MAEA: variants seen among roughly 807,000 people sequenced by gnomAD.
MAEA encodes E3 ubiquitin-protein transferase MAEA.
MAEA carries 22 observed loss-of-function variants against 46.2 expected under a neutral mutation model. The ratio of observed to expected loss-of-function variants is 0.48; its 90% CI spans 0.34 to 0.68. The LOEUF (loss-of-function observed/expected upper bound fraction) is 0.68, where lower values mean the gene tolerates loss of function less well. Among genes scored for constraint, MAEA ranks in the 30% least tolerant of loss-of-function variants. The pLI is 0.01. For synonymous variants in MAEA, 246 were observed against 222.6 expected (o/e 1.11, Z -0.94); for missense variants, 393 against 558.1 (o/e 0.70, Z 2.98).
chr4:1,313,073 G>C (rs1322907717), intron 2 of MAEA, among the ~76,000 whole-genome samples: 1 of 152,224 alleles, frequency 6.6e-6, no homozygotes, highest in Non-Finnish European at 1.5e-5. Flanking sequence ...CTACAGCTCA[G>C]CGTGGGGTGT....
intron 4 of MAEA, among the ~76,000 whole-genome samples, chr4:1,327,159 G>A (rs1039170145): frequency 6.6e-6 from 1 of 152,248 alleles, no homozygotes; most frequent in African/African-American, 2.4e-5. Context: ...ACAGCCCCGG[G>A]TTCAAGCCAG....
intron 1 of MAEA, chr4:1,309,886 C>T (rs766230008): frequency 7.3e-5 from 95 of 1,307,100 alleles, no homozygotes; most frequent in Non-Finnish European, 8.6e-5. Flanking sequence ...GCGGACGGCC[C>T]GGCAGGGGTT....
At chr4:1,298,031 C>A (rs903361454) in intron 1 of MAEA, 4 of 456,216 alleles carry the variant, frequency 8.8e-6, no homozygotes, top group African/African-American at 8.0e-5. Flanking sequence ...TGCTGAGGAA[C>A]CCGGTTGCTG....
chr4:1,313,203 C>T (rs948834382), intron 2 of MAEA, among the ~76,000 whole-genome samples: 1 of 152,210 alleles, frequency 6.6e-6, no homozygotes. Flanking sequence ...CTTCCAGCTC[C>T]GGGCAGAGTC....
chr4:1,318,965 C>CACAGGAACAGG (rs1737664007), intron 3 of MAEA, among the ~76,000 whole-genome samples: 1 of 114,658 alleles, frequency 8.7e-6, no homozygotes, highest in Admixed American at 8.3e-5. Context: ...GGGAAGGCCA[C>CACAGGAACAGG]ACAGGAACAG....
chr4:1,296,501 C>T (rs1004934559), intron 1 of MAEA, among the ~76,000 whole-genome samples: 5 of 147,226 alleles, frequency 3.4e-5, no homozygotes, highest in Non-Finnish European at 7.4e-5. Context: ...TGCGCTGTGC[C>T]CCCCTCACCT....
At chr4:1,310,034 G>C (rs1736292762) in intron 1 of MAEA, 1 of 1,165,198 alleles carries the variant, frequency 8.6e-7, no homozygotes, top group South Asian at 3.9e-5. Flanking sequence ...GCGCGAGCGA[G>C]GGTGGTTGTG....
chr4:1,322,449 G>A lies in MAEA; in HGVS notation c.525G>A (p.Thr175=), dbSNP rs145364690. 7.4e-6 allele frequency: 12 copies of A among 1,613,912 alleles called. No individual in the cohort carries two copies. Among genetic ancestry groups the A allele is most frequent in the Middle Eastern group, 1.6e-4 (1 of 6,084 alleles). ...AGGAGTCCCTGGAGAGGCGTGAGAC[G>A]GCCACCTGCCTGGCCTGGTGCCATG... ...EVEESLERRE[T]ATCLAWCHDN... is the part of the protein sequence containing the mutation. Residue 175 remains threonine (T), a synonymous_variant, in exon 4 of 9, where the codon ACG becomes ACA. Coordinates refer to ENST00000303400, the MANE Select transcript of MAEA (RefSeq NM_001017405.3).
In MAEA at chr4:1,294,545, C is replaced by G. The variant is rs575444594; in HGVS notation, c.69+4563C>G. On this transcript the variant is annotated intron_variant, in intron 1 of 8. Transcript: ENST00000303400. ...ACCTAAGCAAGGCACCGCCGCCGGG[C>G]TGCAGAGCAGGGCTGCAGGTGCACT... 2.2e-4 allele frequency among the ~76,000 whole-genome samples: 32 copies of G among 148,612 alleles called. No individual in the cohort carries two copies. The East Asian group carries it at 7.5e-3, about 35-fold the overall frequency.
chr4:1,332,636 C>T (rs529780909), intron 5 of MAEA, 121 bp from the exon 6 acceptor site: 355 of 677,342 alleles, frequency 5.2e-4, no homozygotes, highest in Non-Finnish European at 8.2e-4. Context: ...CCTGAGAGTT[C>T]GAGGCTACAG....
chr4:1,295,347 T>G (rs1734530883), intron 1 of MAEA, among the ~76,000 whole-genome samples: 1 of 152,094 alleles, frequency 6.6e-6, no homozygotes, highest in African/African-American at 2.4e-5. Context: ...CAAAAAGAAT[T>G]ATTCACTGTG....
intron 2 of MAEA, 167 bp downstream of exon 2, chr4:1,312,328 C>G (rs1736612734): frequency 7.1e-6 from 5 of 701,354 alleles, no homozygotes; most frequent in Non-Finnish European, 1.2e-5. Context: ...GCTGAGCAGG[C>G]CAGCTTCCTG....
chr4:1,323,352 A>G (rs1738392745), intron 4 of MAEA: 1 of 620,504 alleles, frequency 1.6e-6, no homozygotes, highest in Admixed American at 2.7e-5. Context: ...GGCTTGCAGA[A>G]ATGTTTTAAC....
chr4:1,335,779 C>G (rs1191496054), intron 6 of MAEA: 2 of 980,180 alleles, frequency 2.0e-6, no homozygotes, highest in Admixed American at 1.3e-4. Context: ...GTGTTGAAAT[C>G]ACAGAGTTAA....
intron 5 of MAEA, chr4:1,329,138 C>T: frequency 1.0e-6 from 1 of 985,712 alleles, no homozygotes; most frequent in South Asian, 4.7e-5. Context: ...TCCCGGAGTC[C>T]CTCCGTCACA....
intron 1 of MAEA, among the ~76,000 whole-genome samples, chr4:1,291,850 C>T (rs1419948709): frequency 1.3e-5 from 2 of 152,212 alleles, no homozygotes; most frequent in East Asian, 3.8e-4. Context: ...TGCAGATAGT[C>T]ATACAGGTAA....
intron 5 of MAEA, chr4:1,329,470 CGT>C: frequency 1.0e-6 from 1 of 985,322 alleles, no homozygotes; most frequent in Non-Finnish European, 1.2e-6. Context: ...CCAGGAAGTG[CGT>C]GTCCTTCCTC....
At chr4:1,336,213 G>A (rs181718549) in intron 6 of MAEA, among the ~76,000 whole-genome samples, 90 of 151,888 alleles carry the variant, frequency 5.9e-4, no homozygotes, top group African/African-American at 2.1e-3. Context: ...CCCGCAGAGT[G>A]TTGAAATCAG....
At chr4:1,329,450 C>G (rs1293165061) in intron 5 of MAEA, 1 of 985,284 alleles carries the variant, frequency 1.0e-6, no homozygotes, top group African/African-American at 1.7e-5. Context: ...TGCAGGGGAG[C>G]AGGCAGGTCC....
Sources: allele counts gnomAD v4.1 joint callset (sites outside exome capture counted in the v4.1 genomes callset), GRCh38; gene constraint gnomAD v4.1.1; transcripts MANE v1.5; gene names NCBI Gene and HGNC (gene_info 2026-07-23, HGNC 2026-07-21).